MIA2: variants seen among roughly 807,000 people sequenced by gnomAD.
The protein encoded by MIA2 is melanoma inhibitory activity protein 2.
Under a neutral mutation model 167.8 loss-of-function variants are expected in MIA2, and 127 were observed. The ratio of observed to expected loss-of-function variants is 0.76; its 90% CI spans 0.66 to 0.88. MIA2 has a LOEUF of 0.88. Among genes scored for constraint, MIA2 ranks in the 40% least tolerant of loss-of-function variants. The probability of loss-of-function intolerance (pLI) is 0.00; values close to 1 mark genes in which losing one functional copy is unlikely to be tolerated. For missense variants in MIA2, 1,690 were observed against 1,624.7 expected, an observed-to-expected ratio of 1.04 and a Z score of -0.69; for synonymous variants, 552 against 541.9, an observed-to-expected ratio of 1.02 and a Z score of -0.26.
At chr14:39,281,646 T>G (rs1255992710) in intron 9 of MIA2, among the ~76,000 whole-genome samples, 1 of 151,136 alleles carries the variant, frequency 6.6e-6, no homozygotes, top group Non-Finnish European at 1.5e-5. Context: ...GAGACGGAGT[T>G]TCCCCTGTTG....
At chr14:39,315,140 A>C (rs2065156129) in intron 20 of MIA2, 5 of 164,250 alleles carry the variant, frequency 3.0e-5, no homozygotes, top group Admixed American at 2.0e-4. Context: ...AAAAAAAAAA[A>C]AAAAAATACA....
At chr14:39,288,418 G>A (rs925766134) in intron 9 of MIA2, among the ~76,000 whole-genome samples, 36 of 127,312 alleles carry the variant, frequency 2.8e-4, no homozygotes, top group African/African-American at 9.5e-4. Context: ...TGATTTGAGC[G>A]TGTATATATT....
At chr14:39,283,609 G>A (rs1000484698) in intron 9 of MIA2, among the ~76,000 whole-genome samples, 3 of 152,048 alleles carry the variant, frequency 2.0e-5, no homozygotes, top group Non-Finnish European at 4.4e-5. Context: ...GTAAACTTGC[G>A]TCCTGGGGGT....
intron 9 of MIA2, among the ~76,000 whole-genome samples, chr14:39,282,809 G>T (rs2152769929): frequency 6.6e-6 from 1 of 152,304 alleles, no homozygotes; most frequent in African/African-American, 2.4e-5. Context: ...CCTGGCTCAG[G>T]TGATCCTCTC....
chr14:39,386,281 T>C, intron 23 of MIA2: 1 of 1,455,870 alleles, frequency 6.9e-7, no homozygotes, highest in South Asian at 1.1e-5. Flanking sequence ...GTAATTTCTC[T>C]GAGGAATTTC....
intron 9 of MIA2, among the ~76,000 whole-genome samples, chr14:39,290,577 G>T (rs1314626587): frequency 6.6e-6 from 1 of 152,152 alleles, no homozygotes; most frequent in Non-Finnish European, 1.5e-5. Context: ...TTGATGGTCA[G>T]TTGCTATATA....
intron 25 of MIA2, among the ~76,000 whole-genome samples, chr14:39,341,922 C>T (rs955189054): frequency 6.6e-6 from 1 of 152,046 alleles, no homozygotes; most frequent in Admixed American, 6.6e-5. Context: ...TTCTAACACT[C>T]TTAAGAGTGT....
intron 3 of MIA2, among the ~76,000 whole-genome samples, chr14:39,242,495 G>A (rs928330521): frequency 3.3e-5 from 5 of 151,864 alleles, no homozygotes; most frequent in African/African-American, 1.2e-4. Context: ...GCTATTTTTT[G>A]TATTTTTAGT....
At chr14:39,370,557 C>A in intron 23 of MIA2, 1 of 376,248 alleles carries the variant, frequency 2.7e-6, no homozygotes. Context: ...TATGCACCAC[C>A]GTGTTGCTGA....
intron 18 of MIA2, among the ~76,000 whole-genome samples, chr14:39,311,652 A>G (rs1348863849): frequency 4.0e-5 from 6 of 148,486 alleles, no homozygotes; most frequent in South Asian, 2.1e-4. Flanking sequence ...TTATTTATTT[A>G]TTTTTTTTTG....
chr14:39,297,218 C>G (rs939954875), intron 13 of MIA2, among the ~76,000 whole-genome samples: 1 of 151,970 alleles, frequency 6.6e-6, no homozygotes, highest in Non-Finnish European at 1.5e-5. Flanking sequence ...CTCAGCCTCC[C>G]GAGTAGCTGG....
At chr14:39,332,290 C>T (rs993311473) in intron 25 of MIA2, among the ~76,000 whole-genome samples, 2 of 152,118 alleles carry the variant, frequency 1.3e-5, no homozygotes, top group African/African-American at 4.8e-5. Flanking sequence ...TTTTTGGCTG[C>T]ATCAGGTCAT....
At chr14:39,333,870 T>TA (rs1180414904) in intron 25 of MIA2, among the ~76,000 whole-genome samples, 1 of 152,184 alleles carries the variant, frequency 6.6e-6, no homozygotes, top group Non-Finnish European at 1.5e-5. Context: ...GATACCTTCA[T>TA]AGAAGAGATA....
intron 23 of MIA2, among the ~76,000 whole-genome samples, chr14:39,378,611 A>G (rs1406222992): frequency 6.6e-6 from 1 of 152,264 alleles, no homozygotes; most frequent in African/African-American, 2.4e-5. Flanking sequence ...ATAGTTTTAC[A>G]TAATCATAAT....
downstream of MIA2, among the ~76,000 whole-genome samples, chr14:39,356,254 A>T (rs1194262255): frequency 6.6e-6 from 1 of 152,146 alleles, no homozygotes; most frequent in Admixed American, 6.5e-5. Flanking sequence ...CTATTCAGAG[A>T]TTCAACTTCT....
intron 6 of MIA2, chr14:39,269,069 GCA>G (rs1385513736): frequency 5.4e-6 from 2 of 372,252 alleles, no homozygotes; most frequent in Non-Finnish European, 6.7e-6. Context: ...ATCTTCACCT[GCA>G]CAGTTTTTTT....
Position 39,248,056 on chromosome 14 carries a change from T to G in MIA2, c.1482T>G (p.Asn494Lys), listed in dbSNP as rs766983388. The change falls in exon 4 of 29, where the codon AAT becomes AAG. Residue 494 changes from asparagine (N) to lysine (K), a missense_variant. Transcript: ENST00000640607. ...TGGATCAAAATAATGTAATTGAAAA[T>G]GAAGAAACTGGAGAATTTTCCATTG... ...QILDQNNVIE[N>K]EETGEFSIDN... The G allele has an allele frequency of 2.6e-6, 4 of 1,565,414 alleles. No homozygotes were observed. Among genetic ancestry groups the G allele is most frequent in the Admixed American group, 4.4e-5 (2 of 45,700 alleles).
At chr14:39,385,666 ATCTTT>A (rs2075261311) in intron 23 of MIA2, 4 of 955,022 alleles carry the variant, frequency 4.2e-6, no homozygotes, top group East Asian at 2.4e-5. Context: ...CTTAAATGCA[ATCTTT>A]TCTTCAACTT....
At chr14:39,322,409 T>C (rs1276378727) in intron 24 of MIA2, among the ~76,000 whole-genome samples, 3 of 151,860 alleles carry the variant, frequency 2.0e-5, no homozygotes, top group African/African-American at 7.3e-5. Flanking sequence ...GGTGTGGTGG[T>C]GGGCGCCTGT....
Sources: allele counts gnomAD v4.1 joint callset (sites outside exome capture counted in the v4.1 genomes callset), GRCh38; gene constraint gnomAD v4.1.1; transcripts MANE v1.5; gene names NCBI Gene and HGNC (gene_info 2026-07-23, HGNC 2026-07-21).